Variants in NUF2 observed in about 807,000 individuals in gnomAD.
NUF2 encodes the protein NUF2 component of NDC80 kinetochore complex, also known as kinetochore protein Nuf2.
A neutral mutation model predicts 61.8 loss-of-function variants in NUF2; 34 were observed. That is an observed-to-expected ratio of 0.55 (90% CI 0.42 to 0.73). NUF2 has a LOEUF of 0.73. Ranked by LOEUF, NUF2 falls within the 30% of genes least tolerant of loss-of-function variation. The pLI is 0.00. For missense variants in NUF2, 445 were observed against 539.1 expected (o/e 0.83, Z 1.73); for synonymous variants, 172 against 181.6 (o/e 0.95, Z 0.42).
chr1:163,352,299 G>A (rs1651348417), intron 13 of NUF2, among the ~76,000 whole-genome samples: 1 of 152,184 alleles, frequency 6.6e-6, no homozygotes, highest in Non-Finnish European at 1.5e-5. Context: ...GTCATGGATT[G>A]CAGCAACATT....
At chr1:163,331,600 G>A (rs1473232953) in intron 5 of NUF2, among the ~76,000 whole-genome samples, 2 of 151,928 alleles carry the variant, frequency 1.3e-5, no homozygotes, top group East Asian at 1.9e-4. Context: ...TGAATATTTG[G>A]TAGAATTTAC....
chr1:163,351,525 A>T (rs1317741122), intron 13 of NUF2, among the ~76,000 whole-genome samples: 1 of 152,184 alleles, frequency 6.6e-6, no homozygotes, highest in Non-Finnish European at 1.5e-5. Flanking sequence ...TGCAGATTTG[A>T]TCAGCATGCC....
At chr1:163,327,655 T>G in intron 3 of NUF2, 93 bp downstream of exon 3, 1 of 758,282 alleles carries the variant, frequency 1.3e-6, no homozygotes, top group Non-Finnish European at 2.3e-6. Context: ...ATACTGGCTT[T>G]TAGGATAGGA....
In NUF2 at chr1:163,345,840, G is replaced by A. The variant is rs1349270362; in HGVS notation, c.948+22G>A. The stretch of plus-strand genomic sequence containing the variant: ...GGAGGTTTGTATTGTATGGAATTTT[G>A]ATGTCTTTATTATATAACAGCTTAC... On this transcript the variant is annotated intron_variant, in intron 11 of 13. Coordinates refer to ENST00000271452, the MANE Select transcript of NUF2 (RefSeq NM_145697.3). The A allele has an allele frequency of 2.0e-6, 3 of 1,535,782 alleles. No homozygotes were observed. In the Admixed American group the frequency reaches 5.6e-5, roughly 29 times the overall value.
At chr1:163,330,701 T>C (rs1650565730) in intron 5 of NUF2, among the ~76,000 whole-genome samples, 1 of 152,136 alleles carries the variant, frequency 6.6e-6, no homozygotes, top group Non-Finnish European at 1.5e-5. Context: ...TCCATATGCA[T>C]GCTATATCTC....
intron 5 of NUF2, among the ~76,000 whole-genome samples, chr1:163,329,538 T>G (rs556259351): frequency 6.6e-6 from 1 of 152,228 alleles, no homozygotes; most frequent in African/African-American, 2.4e-5. Context: ...CTCTGGAAGC[T>G]TAGTCATGAC....
chr1:163,331,251 C>A (rs1248980099), intron 5 of NUF2, among the ~76,000 whole-genome samples: 1 of 151,482 alleles, frequency 6.6e-6, no homozygotes, highest in Non-Finnish European at 1.5e-5. Context: ...GTATTAAATG[C>A]CTTTTCGGCC....
At position 163,344,615 on chromosome 1, in the gene NUF2, T is replaced by C. The variant is rs547545169; in HGVS notation, c.807+745T>C. Among the ~76,000 whole-genome samples the C allele has an allele frequency of 3.6e-4, 25 of 70,366 alleles. 3 individuals carry two copies. In the South Asian group the frequency reaches 6.6e-3, roughly 19 times the overall value. The allele number at this position is 70,366 out of a possible 152,430, so 46.2% of individuals were successfully genotyped here. On this transcript the variant is annotated intron_variant, in intron 10 of 13. Transcript: ENST00000271452. Reference sequence around the variant, plus strand: ...CAAGATTATGGGTTACTGTGGGAGATGGATTGACGTGGTGCAATACAAACT... The same window carrying C: ...CAAGATTATGGGTTACTGTGGGAGACGGATTGACGTGGTGCAATACAAACT...
intron 1 of NUF2, chr1:163,323,207 A>G (rs1315796875): frequency 6.6e-6 from 1 of 152,200 alleles, no homozygotes; most frequent in Non-Finnish European, 1.5e-5. Context: ...AACAAGTGAT[A>G]ATAATTATGA....
At chr1:163,347,964 G>A (rs1232200690) in intron 12 of NUF2, 26 bp downstream of exon 12, 6 of 1,399,390 alleles carry the variant, frequency 4.3e-6, no homozygotes, top group South Asian at 3.4e-5. Flanking sequence ...CAATTTTAGT[G>A]TATTAGAAAG....
At chr1:163,340,590 A>T (rs1057133324) in intron 9 of NUF2, among the ~76,000 whole-genome samples, 164 bp downstream of exon 9, 33 of 152,244 alleles carry the variant, frequency 2.2e-4, no homozygotes, top group African/African-American at 8.0e-4. Context: ...GTTTTAAAAA[A>T]TATCGAAACA....
intron 5 of NUF2, among the ~76,000 whole-genome samples, chr1:163,330,135 G>A (rs1650548438): frequency 6.6e-6 from 1 of 152,138 alleles, no homozygotes; most frequent in Non-Finnish European, 1.5e-5. Context: ...CATTATGCAT[G>A]TGTTGAAACT....
intron 5 of NUF2, among the ~76,000 whole-genome samples, chr1:163,330,625 A>G (rs1156602706): frequency 1.3e-5 from 2 of 152,046 alleles, no homozygotes; most frequent in African/African-American, 4.8e-5. Flanking sequence ...ATTTTGATTG[A>G]GATTACTTTT....
At chr1:163,330,210 A>C (rs1383665858) in intron 5 of NUF2, among the ~76,000 whole-genome samples, 3 of 152,226 alleles carry the variant, frequency 2.0e-5, no homozygotes, top group Non-Finnish European at 4.4e-5. Flanking sequence ...ATGATGTGTC[A>C]GTGCAAGTTC....
intron 12 of NUF2, 52 bp from the exon 13 acceptor site, chr1:163,348,893 C>A: frequency 6.3e-7 from 1 of 1,576,088 alleles, no homozygotes. Context: ...TTGTGTTTGC[C>A]TTTTTAGTTG....
At chr1:163,341,574 CTTG>C (rs1269596391) in intron 9 of NUF2, among the ~76,000 whole-genome samples, 1 of 151,906 alleles carries the variant, frequency 6.6e-6, no homozygotes, top group African/African-American at 2.4e-5. Context: ...TTAGTGATTT[CTTG>C]TTATTTCTTA....
Position 163,343,722 on chromosome 1 carries a change from T to G in NUF2, c.670-11T>G. 7.6e-7 allele frequency: 1 copy of G among 1,313,324 alleles called. No individual in the cohort carries two copies. Among genetic ancestry groups the G allele is most frequent in the East Asian group, 2.7e-5 (1 of 37,614 alleles). The allele number at this position is 1,313,324 out of a possible 1,614,324, so 81.4% of individuals were successfully genotyped here. A position where few individuals can be genotyped will look rare whatever the true frequency, so the allele number is the denominator to read the frequency against. On this transcript the variant is annotated splice_polypyrimidine_tract_variant and intron_variant, in intron 9 of 13. Coordinates refer to ENST00000271452, the MANE Select transcript of NUF2 (RefSeq NM_145697.3). The stretch of plus-strand genomic sequence containing the variant: ...TATTATATCTAATATATAAAAATGT[T>G]TTCTCAACAGAATGAACTAAAATTG...
At chr1:163,337,362 G>A (rs7544757) in intron 6 of NUF2, among the ~76,000 whole-genome samples, 6,070 of 151,994 alleles carry the variant, frequency 0.04, 151 homozygotes, top group South Asian at 0.085. Flanking sequence ...GAGATTATGG[G>A]TCATCTGTGT....
chr1:163,352,386 T>A (rs896683346), intron 13 of NUF2, among the ~76,000 whole-genome samples: 1 of 152,234 alleles, frequency 6.6e-6, no homozygotes, highest in African/African-American at 2.4e-5. Flanking sequence ...TTTATCCTGC[T>A]AAAATATTAT....
Sources: gnomAD v4.1 joint callset for allele counts (sites outside exome capture counted in the v4.1 genomes callset) on GRCh38, gnomAD v4.1.1 for gene constraint, MANE v1.5 for transcripts, NCBI Gene and HGNC (gene_info 2026-07-23, HGNC 2026-07-21) for gene names.